The following RPGR variants were observed in gnomAD, a reference collection of about 807,000 sequenced individuals.
The protein encoded by RPGR is retinitis pigmentosa GTPase regulator.
In RPGR, 10 loss-of-function variants were observed where a neutral mutation model predicts 56.3. The ratio of observed to expected loss-of-function variants is 0.18; its 90% CI spans 0.11 to 0.30. The LOEUF (loss-of-function observed/expected upper bound fraction) is 0.30. Ranked by LOEUF, RPGR falls within the 10% of genes least tolerant of loss-of-function variation. The probability of loss-of-function intolerance (pLI) is 1.00; values close to 1 mark genes in which losing one functional copy is unlikely to be tolerated. For missense variants in RPGR, 538 were observed against 590.9 expected (o/e 0.91, Z 0.93); for synonymous variants, 197 against 212.9 (o/e 0.93, Z 0.65).
chrX:38,302,740 A>G (rs1301109247), intron 8 of RPGR: 2 of 110,979 alleles, frequency 1.8e-5, no homozygotes, highest in African/African-American at 3.3e-5. Context: ...ATTTACAAAA[A>G]TAAGTAGATT....
intron 15 of RPGR, chrX:38,286,758 C>T: frequency 8.6e-7 from 1 of 1,157,159 alleles, no homozygotes; most frequent in South Asian, 1.9e-5. Context: ...TCTCTTCTTC[C>T]TCTTCTCTGT....
chrX:38,272,546 C>A (rs12557599), intron 18 of RPGR: 3 of 107,498 alleles, frequency 2.8e-5, no homozygotes, highest in African/African-American at 1.0e-4. Context: ...GAGCCAAGAT[C>A]GCGCCATTGC....
chrX:38,273,681 TA>T (rs2066881442), intron 17 of RPGR: 1 of 334,992 alleles, frequency 3.0e-6, no homozygotes, highest in Non-Finnish European at 5.2e-6. Context: ...ACCAAAGTTG[TA>T]AATGTTTAGA....
At chrX:38,285,783 T>C in intron 15 of RPGR, 1 of 1,211,006 alleles carries the variant, frequency 8.3e-7, no homozygotes, top group Non-Finnish European at 1.1e-6. Flanking sequence ...CTTCTTCGCC[T>C]GTCTCCTGAT....
intron 11 of RPGR, among the ~76,000 whole-genome samples, chrX:38,296,902 T>C (rs765538660): frequency 9.0e-6 from 1 of 111,581 alleles, no homozygotes; most frequent in South Asian, 3.7e-4. Context: ...CCACTTCGTT[T>C]ATAAGCTGAG....
At chrX:38,286,698 T>G in intron 15 of RPGR, 1 of 1,148,153 alleles carries the variant, frequency 8.7e-7, no homozygotes, top group Non-Finnish European at 1.2e-6. Context: ...CCTTTTCACG[T>G]TCTCCCTCCA....
intron 6 of RPGR, among the ~76,000 whole-genome samples, chrX:38,310,982 CACT>C (rs1453957623): frequency 8.9e-6 from 1 of 111,952 alleles, no homozygotes; most frequent in Non-Finnish European, 1.9e-5. Flanking sequence ...TCATGACTAC[CACT>C]ACTAATAAAC....
intron 1 of RPGR, among the ~76,000 whole-genome samples, chrX:38,324,663 T>C (rs1202897399): frequency 9.3e-6 from 1 of 108,009 alleles, no homozygotes; most frequent in African/African-American, 3.4e-5. Context: ...CTCTGTAAAC[T>C]CTTCCTCTAC....
chrX:38,293,383 A>C (rs2067323374), intron 11 of RPGR, among the ~76,000 whole-genome samples: 1 of 112,181 alleles, frequency 8.9e-6, no homozygotes, highest in Admixed American at 9.5e-5. Flanking sequence ...TTTGTAGACT[A>C]CCATAATACA....
chrX:38,318,031 T>C (rs1264746140), intron 5 of RPGR: 5 of 111,621 alleles, frequency 4.5e-5, no homozygotes, highest in Non-Finnish European at 9.4e-5. Flanking sequence ...ATCTCAAAAA[T>C]AGGTAACATA....
intron 8 of RPGR, 152 bp from the exon 9 acceptor site, chrX:38,301,523 A>G: frequency 4.2e-6 from 2 of 479,937 alleles, no homozygotes; most frequent in East Asian, 3.8e-5. Flanking sequence ...CACACTCTCT[A>G]TGGTCTCTGT....
chrX:38,317,490 GA>G lies in RPGR; in HGVS notation c.470-26del, dbSNP rs758896341. The G allele has an allele frequency of 6.7e-6, 8 of 1,187,036 alleles. No individual in the cohort carries two copies. In the African/African-American group the frequency reaches 1.4e-4, roughly 21 times the overall value. The stretch of plus-strand genomic sequence containing the variant: ...TCTATAAAGAAAAATAAAAGGGGGA[GA>G]AAAGGTTTTAAAAGGTAGCCAGGCT... On this transcript the variant is annotated intron_variant, in intron 5 of 18. Transcript: ENST00000642395.
chrX:38,281,380 TA>T lies in RPGR; in HGVS notation c.1906-4609del, dbSNP rs748907161. Among the ~76,000 whole-genome samples, 8 of 112,680 alleles carry T rather than the reference TA, an allele frequency of 7.1e-5. 1 individual carries two copies. In the South Asian group the frequency reaches 2.9e-3, roughly 41 times the overall value. On this transcript the variant is annotated intron_variant, in intron 15 of 18. Transcript: ENST00000642395. ...AGCGTTTCAACACACTTTAAATATT[TA>T]GGGGCATTTATTGACTAATGTATGG... is the stretch of plus-strand genomic sequence containing the variant.
In RPGR at chrX:38,327,479, T is replaced by C; in HGVS notation, c.-112A>G. The C allele has an allele frequency of 1.3e-6, 1 of 767,889 alleles. No individual in the cohort carries two copies. The highest frequency in any genetic ancestry group is 1.8e-6 in the Non-Finnish European group (1 of 555,784). The allele number at this position is 767,889 out of a possible 1,213,427, so 63.3% of individuals were successfully genotyped here. A position where few individuals can be genotyped will look rare whatever the true frequency, so the allele number is the denominator to read the frequency against. The stretch of plus-strand genomic sequence containing the variant: ...ACGCGGGCCGCGAAAGCCCCCAAGT[T>C]CCGCATGGCGAAACTCCGGAGATCA... On this transcript the variant is annotated 5_prime_UTR_variant, in exon 1 of 19. Coordinates refer to ENST00000642395, the MANE Select transcript of RPGR (RefSeq NM_000328.3).
intron 11 of RPGR, 71 bp downstream of exon 11, chrX:38,297,213 A>T: frequency 9.5e-7 from 1 of 1,055,045 alleles, no homozygotes; most frequent in South Asian, 1.9e-5. Flanking sequence ...AAAACATCTT[A>T]AGATAAACAT....
In RPGR at chrX:38,317,008, A is replaced by C. The variant is rs5963402; in HGVS notation, c.619+308T>G. Among the ~76,000 whole-genome samples, 46,559 of 109,684 alleles carry C rather than the reference A, an allele frequency of 0.42. 7,421 individuals carry two copies. The highest frequency in any genetic ancestry group is 0.5 in the African/African-American group (15,071 of 30,127). On this transcript the variant is annotated intron_variant, in intron 6 of 18. Coordinates refer to ENST00000642395, the MANE Select transcript of RPGR (RefSeq NM_000328.3). ...TTCCAATATTTTAACTAAGACAGAAAAGGTTGCCAGTGGGTCCAGGAAAGG... is the reference window on the plus strand; with the variant it reads ...TTCCAATATTTTAACTAAGACAGAACAGGTTGCCAGTGGGTCCAGGAAAGG...
chrX:38,315,526 T>C (rs1387525897), intron 6 of RPGR, among the ~76,000 whole-genome samples: 2 of 110,844 alleles, frequency 1.8e-5, no homozygotes, highest in African/African-American at 6.6e-5. Context: ...AAGAAACTCA[T>C]GGAAATAAAG....
At chrX:38,281,640 G>A (rs2067033591) in intron 15 of RPGR, among the ~76,000 whole-genome samples, 1 of 111,924 alleles carries the variant, frequency 8.9e-6, no homozygotes, top group East Asian at 2.8e-4. Context: ...AGTGATACAG[G>A]TTACCATTTG....
intron 6 of RPGR, among the ~76,000 whole-genome samples, chrX:38,313,334 T>G (rs762440149): frequency 8.9e-6 from 1 of 112,337 alleles, no homozygotes; most frequent in East Asian, 2.8e-4. Flanking sequence ...TCTAGCACAG[T>G]AGCAAAAAGT....
Sources: gnomAD v4.1 joint callset for allele counts (sites outside exome capture counted in the v4.1 genomes callset) on GRCh38, gnomAD v4.1.1 for gene constraint, MANE v1.5 for transcripts, NCBI Gene and HGNC (gene_info 2026-07-23, HGNC 2026-07-21) for gene names.